Variants in FAM50B observed in about 807,000 individuals in gnomAD.
FAM50B encodes protein FAM50B.
In FAM50B, 9 loss-of-function variants were observed where a neutral mutation model predicts 25.4. The observed-to-expected ratio is 0.35, with a 90% CI of 0.21 to 0.62. The LOEUF (loss-of-function observed/expected upper bound fraction) is 0.62, where lower values mean the gene tolerates loss of function less well. Ranked by LOEUF, FAM50B falls within the 20% of genes least tolerant of loss-of-function variation. The pLI is 0.73. For synonymous variants in FAM50B, 212 were observed against 204.3 expected (o/e 1.04, Z -0.32); for missense variants, 372 against 477.9 (o/e 0.78, Z 2.07).
chr6:3,846,797 A>C (rs868067347), upstream of FAM50B, among the ~76,000 whole-genome samples: 2 of 152,250 alleles, frequency 1.3e-5, no homozygotes, highest in Non-Finnish European at 2.9e-5. Flanking sequence ...TAACCTTTGG[A>C]AATGTATTTC....
chr6:3,849,085 GC>G (rs1265407236), upstream of FAM50B, among the ~76,000 whole-genome samples: 1 of 152,160 alleles, frequency 6.6e-6, no homozygotes, highest in African/African-American at 2.4e-5. Context: ...GCACGAGAAG[GC>G]TCAGCACGCA....
the FAM50B span, among the ~76,000 whole-genome samples, chr6:3,840,330 G>A: frequency 7.2e-5 from 11 of 152,122 alleles, no homozygotes; most frequent in Non-Finnish European, 1.0e-4. Flanking sequence ...AAAATTAGCT[G>A]GGCATGGTGG....
At chr6:3,845,404 G>A (rs1014830953), upstream of FAM50B, among the ~76,000 whole-genome samples, 4 of 152,158 alleles carry the variant, frequency 2.6e-5, no homozygotes, top group Admixed American at 6.5e-5. Context: ...GTTCTGATTC[G>A]ATTAGAGAAA....
At chr6:3,844,341 TTTTA>T in the FAM50B span, among the ~76,000 whole-genome samples, 20 of 152,226 alleles carry the variant, frequency 1.3e-4, no homozygotes, top group Admixed American at 5.2e-4. Context: ...CTATTGATAC[TTTTA>T]TTTATTTATT....
chr6:3,851,140 G>A lies in FAM50B; in HGVS notation c.*351G>A, dbSNP rs191408286. On this transcript the variant is annotated 3_prime_UTR_variant, in exon 2 of 2. Transcript: ENST00000648326. ...GCCACAGTGACTGAGTTTGATTCCC[G>A]ACACAGCCTCCTCCTTGCTGTGTAG... 4.7e-3 allele frequency: 1,319 copies of A among 280,126 alleles called. 17 individuals carry two copies. Among genetic ancestry groups the A allele is most frequent in the Non-Finnish European group, 4.0e-3 (549 of 138,062 alleles). 17.4% of individuals were successfully genotyped at this position (280,126 alleles called of 1,614,324 possible).
the FAM50B span, among the ~76,000 whole-genome samples, chr6:3,842,215 G>C: frequency 0.069 from 10,546 of 152,230 alleles, 675 homozygotes; most frequent in African/African-American, 0.16. Flanking sequence ...CAAGAGGAGA[G>C]GACTGCCAGA....
In FAM50B at chr6:3,850,115, G is replaced by GAGCGGCAGCGGGAGCAGGAGC. The variant is rs1400707014; in HGVS notation, c.311_331dup (p.Gln104_Arg110dup). On this transcript the variant is annotated inframe_insertion, in exon 2 of 2. Transcript: ENST00000648326. ...CCTGGAGGAGCAGCGGCTGCAGCAG[G>GAGCGGCAGCGGGAGCAGGAGC]AGCGGCAGCGGGAGCAGGAGCAGCG... 1 of 1,609,684 alleles carries GAGCGGCAGCGGGAGCAGGAGC rather than the reference G, an allele frequency of 6.2e-7. No individual in the cohort carries two copies. The highest frequency in any genetic ancestry group is 2.2e-5 in the East Asian group (1 of 44,790).
chr6:3,844,861 A>G (rs142144231), upstream of FAM50B, among the ~76,000 whole-genome samples: 826 of 152,344 alleles, frequency 5.4e-3, 17 homozygotes, highest in Admixed American at 0.043. Flanking sequence ...TATGTTACTT[A>G]TGTGTTCATG....
rs560129516 is a variant in FAM50B at position 3,849,973 on chromosome 6, C to A, written c.162C>A (p.Asp54Glu). 1.2e-6 allele frequency: 2 copies of A among 1,613,918 alleles called. No homozygotes were observed. Among genetic ancestry groups the A allele is most frequent in the Non-Finnish European group, 1.7e-6 (2 of 1,179,968 alleles). ...ACAAGAGGTTCTCGGCGCATTACGA[C>A]GCCGTGGAGGCCGAGCTGAAGTCCA... is the stretch of plus-strand genomic sequence containing the variant. ...QVDKRFSAHY[D>E]AVEAELKSST... Residue 54 changes from aspartate to glutamate, a missense_variant, in exon 2 of 2, where the codon GAC becomes GAA. Asp to Glu is a conservative substitution (Grantham distance 45). Transcript: ENST00000648326.
chr6:3,837,974 G>C, the FAM50B span, among the ~76,000 whole-genome samples: 1 of 152,306 alleles, frequency 6.6e-6, no homozygotes, highest in South Asian at 2.1e-4. Context: ...TGAACTTTTA[G>C]AGGACTTTAA....
At chr6:3,845,303 T>C (rs184519923), upstream of FAM50B, among the ~76,000 whole-genome samples, 4 of 152,304 alleles carry the variant, frequency 2.6e-5, no homozygotes, top group South Asian at 4.1e-4. Flanking sequence ...GAGCTGGCTA[T>C]AGTATTTGGA....
intron 1 of FAM50B, 40 bp from the exon 2 acceptor site, chr6:3,849,749 G>A: frequency 6.6e-7 from 1 of 1,514,836 alleles, no homozygotes; most frequent in Non-Finnish European, 8.8e-7. Flanking sequence ...CCGTTGCGTG[G>A]GCCCCCCTCT....
chr6:3,835,949 C>T, the FAM50B span, among the ~76,000 whole-genome samples: 1 of 152,118 alleles, frequency 6.6e-6, no homozygotes, highest in Non-Finnish European at 1.5e-5. Flanking sequence ...AATTTTGACA[C>T]CTTCACTCAA....
Position 3,850,112 on chromosome 6 carries a change from C to G in FAM50B, c.301C>G (p.Gln101Glu). 6.2e-7 allele frequency: 1 copy of G among 1,609,658 alleles called. No individual in the cohort carries two copies. Among genetic ancestry groups the G allele is most frequent in the Non-Finnish European group, 8.5e-7 (1 of 1,178,598 alleles). The change falls in exon 2 of 2, where the codon CAG becomes GAG. Residue 101 changes from glutamine to glutamate, a missense_variant. By Grantham distance (29) the Gln-to-Glu change is conservative. Around this residue, in one of 4 missense-constraint regions of FAM50B, gnomAD observed 224 missense variants for 232.2 expected, o/e 0.96. Transcript: ENST00000648326. ...GCACCTGGAGGAGCAGCGGCTGCAG[C>G]AGGAGCGGCAGCGGGAGCAGGAGCA... is the stretch of plus-strand genomic sequence containing the variant. ...RQHLEEQRLQQERQREQEQRR... is the reference protein window; with the variant it reads ...RQHLEEQRLQEERQREQEQRR...
rs1240212599 is a variant in FAM50B, at chr6:3,850,087, G to C, written c.276G>C (p.Gln92His). ...RERERQLAKR[Q>H]HLEEQRLQQE... Reference sequence around the variant, plus strand: ...GCGAGCGGCAGCTGGCCAAGCGCCAGCACCTGGAGGAGCAGCGGCTGCAGC... The same window carrying C: ...GCGAGCGGCAGCTGGCCAAGCGCCACCACCTGGAGGAGCAGCGGCTGCAGC... Residue 92 changes from glutamine to histidine, a missense_variant, in exon 2 of 2, where the codon CAG (glutamine) becomes CAC (histidine). Gln to His is a conservative substitution (Grantham distance 24). This residue lies in a region of FAM50B where 224 missense variants were observed against 232.2 expected (regional missense o/e 0.96). Coordinates refer to ENST00000648326, the MANE Select transcript of FAM50B (RefSeq NM_012135.3). 4 of 1,610,306 alleles carry C rather than the reference G, an allele frequency of 2.5e-6. No individual in the cohort carries two copies. In the Admixed American group the frequency reaches 6.7e-5, roughly 27 times the overall value.
chr6:3,833,655 A>G, the FAM50B span: 2 of 152,234 alleles, frequency 1.3e-5, no homozygotes, highest in African/African-American at 4.8e-5. Flanking sequence ...TTAAAAAGCA[A>G]GAAGAAATTT....
chr6:3,848,171 G>T (rs1236956059), upstream of FAM50B, among the ~76,000 whole-genome samples: 1 of 152,216 alleles, frequency 6.6e-6, no homozygotes, highest in Non-Finnish European at 1.5e-5. Context: ...GCCAGTAGGC[G>T]CTTGACGCTG....
Position 3,850,568 on chromosome 6 carries a change from T to TA in FAM50B, c.757_758insA (p.Phe253TyrfsTer21). 6.2e-7 allele frequency: 1 copy of TA among 1,614,072 alleles called. No individual in the cohort carries two copies. Among genetic ancestry groups the TA allele is most frequent in the Non-Finnish European group, 8.5e-7 (1 of 1,180,010 alleles). On this transcript the variant is annotated frameshift_variant, in exon 2 of 2. Transcript: ENST00000648326. LOFTEE classifies it high-confidence loss of function. Reference sequence around the variant, plus strand: ...GCCGCACTACCACACCTTCTACGACTTCATCATCGCCAGGGCGAGGGGCAA... The same window carrying TA: ...GCCGCACTACCACACCTTCTACGACTATCATCATCGCCAGGGCGAGGGGCAA...
chr6:3,838,697 C>G, the FAM50B span, among the ~76,000 whole-genome samples: 2 of 151,872 alleles, frequency 1.3e-5, no homozygotes, highest in Non-Finnish European at 2.9e-5. Flanking sequence ...AAAAAATTAG[C>G]AGGCATGGTG....
Sources: gnomAD v4.1 joint callset for allele counts (sites outside exome capture counted in the v4.1 genomes callset) on GRCh38, gnomAD v4.1.1 for gene constraint, gnomAD v4.1.1 regional missense constraint, MANE v1.5 for transcripts, NCBI Gene and HGNC (gene_info 2026-07-23, HGNC 2026-07-21) for gene names.